Variants in PPFIA2 observed in about 807,000 individuals in gnomAD.
The protein encoded by PPFIA2 is PPFI scaffold protein A2.
In PPFIA2, 46 loss-of-function variants were observed where a neutral mutation model predicts 175.5. The ratio of observed to expected loss-of-function variants is 0.26; its 90% confidence interval spans 0.21 to 0.34. The LOEUF (loss-of-function observed/expected upper bound fraction) is 0.34. PPFIA2 is among the 10% of genes least tolerant of loss of function. The pLI is 1.00. For missense variants in PPFIA2, 1,179 were observed against 1,506.1 expected, an observed-to-expected ratio of 0.78 and a Z score of 3.60; for synonymous variants, 568 against 511.4, an observed-to-expected ratio of 1.11 and a Z score of -1.49.
At position 81,668,769 on chromosome 12, in the gene PPFIA2, C is replaced by T. The variant is rs189886940; in HGVS notation, c.303+8022G>A. Among the ~76,000 whole-genome samples the T allele has an allele frequency of 1.3e-4, 20 of 152,066 alleles. No individual in the cohort carries two copies. The East Asian group carries it at 3.7e-3, about 28-fold the overall frequency. Reference sequence around the variant, plus strand: ...TCTGTGGTGAATATGTCTAACACTTCTCCAAAGAATGTGGGGATACTTATC... The same window carrying T: ...TCTGTGGTGAATATGTCTAACACTTTTCCAAAGAATGTGGGGATACTTATC... On this transcript the variant is annotated intron_variant, in intron 4 of 32. Coordinates refer to ENST00000549396, the MANE Select transcript of PPFIA2 (RefSeq NM_003625.5).
intron 21 of PPFIA2, among the ~76,000 whole-genome samples, chr12:81,337,464 C>G (rs940291585): frequency 6.6e-6 from 1 of 152,072 alleles, no homozygotes; most frequent in Admixed American, 6.6e-5. Flanking sequence ...CTAAAACACA[C>G]AGTCAGTGAA....
chr12:81,649,452 T>A (rs1024137958), intron 4 of PPFIA2, among the ~76,000 whole-genome samples: 4 of 152,212 alleles, frequency 2.6e-5, no homozygotes, highest in Non-Finnish European at 5.9e-5. Context: ...AGAATTCTCA[T>A]ACATTATTGT....
intron 4 of PPFIA2, among the ~76,000 whole-genome samples, chr12:81,491,620 C>T (rs1240021803): frequency 2.0e-5 from 3 of 151,786 alleles, no homozygotes; most frequent in East Asian, 1.9e-4. Context: ...CTCTGTGCCA[C>T]GTGAGGATAC....
At chr12:81,556,269 T>A (rs1215467583) in intron 4 of PPFIA2, among the ~76,000 whole-genome samples, 1 of 151,894 alleles carries the variant, frequency 6.6e-6, no homozygotes, top group African/African-American at 2.4e-5. Flanking sequence ...ACGGTGGTCA[T>A]TTTACCAAAA....
intron 4 of PPFIA2, among the ~76,000 whole-genome samples, chr12:81,536,791 A>C (rs2153319794): frequency 6.8e-6 from 1 of 147,010 alleles, no homozygotes; most frequent in East Asian, 2.0e-4. Context: ...AATATAAAAT[A>C]ACTTCTCCAT....
At chr12:81,324,189 T>A (rs1176814268) in intron 22 of PPFIA2, among the ~76,000 whole-genome samples, 1 of 152,032 alleles carries the variant, frequency 6.6e-6, no homozygotes, top group Non-Finnish European at 1.5e-5. Context: ...ACTTAGTAGT[T>A]GAGAAACGAG....
chr12:81,590,784 T>G (rs1266486233), intron 4 of PPFIA2, among the ~76,000 whole-genome samples: 3 of 152,208 alleles, frequency 2.0e-5, no homozygotes, highest in Non-Finnish European at 4.4e-5. Context: ...GCCATGACTG[T>G]AAGGCCTCCT....
At chr12:81,302,395 A>T (rs1272767557) in intron 22 of PPFIA2, among the ~76,000 whole-genome samples, 1 of 152,182 alleles carries the variant, frequency 6.6e-6, no homozygotes, top group Non-Finnish European at 1.5e-5. Context: ...AGAAGTATTG[A>T]TAACACAATT....
At chr12:81,731,814 G>A (rs2080950565) in intron 3 of PPFIA2, among the ~76,000 whole-genome samples, 1 of 151,486 alleles carries the variant, frequency 6.6e-6, no homozygotes. Flanking sequence ...TCATAGAATG[G>A]TGGTTCAGAT....
At position 81,366,021 on chromosome 12, in the gene PPFIA2, C is replaced by T. The variant is rs529744801; in HGVS notation, c.1545+1087G>A. On this transcript the variant is annotated intron_variant, in intron 14 of 32. Transcript: ENST00000549396. The stretch of plus-strand genomic sequence containing the variant: ...TCCTTCCTTCCTTCCTTCCTTCCTT[C>T]CTTCCTTCCTTCCCTCCCTCCCTCT... Among the ~76,000 whole-genome samples the T allele has an allele frequency of 4.7e-4, 52 of 110,464 alleles. 1 individual carries two copies. The highest frequency in any genetic ancestry group is 7.6e-4 in the Non-Finnish European group (43 of 56,290). 72.5% of individuals were successfully genotyped at this position (110,464 alleles called of 152,430 possible).
At chr12:81,332,299 T>A (rs1256927861) in intron 21 of PPFIA2, among the ~76,000 whole-genome samples, 1 of 152,120 alleles carries the variant, frequency 6.6e-6, no homozygotes, top group Non-Finnish European at 1.5e-5. Flanking sequence ...GGCATCACAC[T>A]TCTGACCCAG....
chr12:81,637,219 G>A (rs1445072359), intron 4 of PPFIA2, among the ~76,000 whole-genome samples: 4 of 133,256 alleles, frequency 3.0e-5, no homozygotes, highest in African/African-American at 8.8e-5. Flanking sequence ...ACAGGCATGC[G>A]CTACCACGCC....
chr12:81,605,423 AG>A, intron 4 of PPFIA2, among the ~76,000 whole-genome samples: 1 of 151,776 alleles, frequency 6.6e-6, no homozygotes, highest in Admixed American at 6.6e-5. Flanking sequence ...GAAAAGGGAG[AG>A]GAGAGAGGAG....
At chr12:81,325,291 G>T (rs1227172106) in intron 22 of PPFIA2, among the ~76,000 whole-genome samples, 9 of 151,974 alleles carry the variant, frequency 5.9e-5, no homozygotes, top group African/African-American at 1.4e-4. Flanking sequence ...TATTATATAT[G>T]AATGAAAAGA....
intron 4 of PPFIA2, among the ~76,000 whole-genome samples, chr12:81,552,593 A>T (rs2068109373): frequency 6.6e-6 from 1 of 152,074 alleles, no homozygotes; most frequent in Non-Finnish European, 1.5e-5. Flanking sequence ...TGTTTGAACA[A>T]TATAATGAAA....
chr12:81,463,080 C>T (rs777559930), intron 4 of PPFIA2, among the ~76,000 whole-genome samples: 12 of 152,052 alleles, frequency 7.9e-5, no homozygotes, highest in Non-Finnish European at 1.2e-4. Flanking sequence ...TGGGAACAAC[C>T]TAGACTTCCA....
At chr12:81,724,772 A>G (rs1216191585) in intron 3 of PPFIA2, among the ~76,000 whole-genome samples, 1 of 150,966 alleles carries the variant, frequency 6.6e-6, no homozygotes, top group Non-Finnish European at 1.5e-5. Context: ...GCTATAGTGA[A>G]TAGTGCTGCA....
At chr12:81,491,869 G>A (rs907675880) in intron 4 of PPFIA2, among the ~76,000 whole-genome samples, 1 of 151,852 alleles carries the variant, frequency 6.6e-6, no homozygotes, top group African/African-American at 2.4e-5. Flanking sequence ...TCTGCTTCAG[G>A]GAAGAAAGAA....
At chr12:81,726,389 T>A (rs905501486) in intron 3 of PPFIA2, among the ~76,000 whole-genome samples, 1 of 151,276 alleles carries the variant, frequency 6.6e-6, no homozygotes, top group Non-Finnish European at 1.5e-5. Flanking sequence ...CACCTGTTCA[T>A]CTCTTCCCAT....
Sources: allele counts gnomAD v4.1 joint callset (sites outside exome capture counted in the v4.1 genomes callset), GRCh38; gene constraint gnomAD v4.1.1; transcripts MANE v1.5; gene names NCBI Gene and HGNC (gene_info 2026-07-23, HGNC 2026-07-21).